ITGA2: variants seen among roughly 807,000 people sequenced by gnomAD.
ITGA2 encodes integrin subunit alpha 2.
Under a neutral mutation model 146.3 loss-of-function variants are expected in ITGA2, and 101 were observed. That is an observed-to-expected ratio of 0.69 (90% CI 0.59 to 0.81). The LOEUF is 0.81. Ranked by LOEUF, ITGA2 falls within the 40% of genes least tolerant of loss-of-function variation. The pLI is 0.00. For synonymous variants in ITGA2, 477 were observed against 487.1 expected (o/e 0.98, Z 0.27); for missense variants, 1,281 against 1,402.7 (o/e 0.91, Z 1.39).
rs761782330 is a variant in ITGA2 at position 53,080,492 on chromosome 5, C to T, written c.2929-19C>T. The T allele has an allele frequency of 5.0e-6, 8 of 1,590,846 alleles. No individual in the cohort carries two copies. In the African/African-American group the frequency reaches 8.1e-5, roughly 16 times the overall value. On this transcript the variant is annotated intron_variant, in intron 24 of 29. Coordinates refer to ENST00000296585, the MANE Select transcript of ITGA2 (RefSeq NM_002203.4). ...TGTACATCCTGTTGCAGTACTGGCACATTTTATTCTCTACATAGGTAACAA... is the reference window on the plus strand; with the variant it reads ...TGTACATCCTGTTGCAGTACTGGCATATTTTATTCTCTACATAGGTAACAA...
rs756126799 is a variant in ITGA2, at chr5:53,065,893, G to C, written c.1859G>C (p.Arg620Thr). 2 of 1,612,002 alleles carry C rather than the reference G, an allele frequency of 1.2e-6. No homozygotes were observed. Among genetic ancestry groups the C allele is most frequent in the African/African-American group, 2.7e-5 (2 of 74,734 alleles). Residue 620 changes from arginine (R) to threonine (T), a missense_variant, in exon 15 of 30, where the codon AGG becomes ACG. By Grantham distance (71) the Arg-to-Thr change is moderately conservative. Transcript: ENST00000296585. ...AFRSHLQYFGRSLDGYGDLNG... is the reference protein window; with the variant it reads ...AFRSHLQYFGTSLDGYGDLNG... Reference sequence around the variant, plus strand: ...AGGAGCCATCTCCAGTACTTTGGGAGGTCCTTGGATGGCTATGGAGATTTA... The same window carrying C: ...AGGAGCCATCTCCAGTACTTTGGGACGTCCTTGGATGGCTATGGAGATTTA...
At chr5:53,015,509 G>A (rs1742360869) in intron 1 of ITGA2, among the ~76,000 whole-genome samples, 1 of 151,902 alleles carries the variant, frequency 6.6e-6, no homozygotes, top group African/African-American at 2.4e-5. Flanking sequence ...TTTTATGGCT[G>A]ATTGTGTGGT....
Position 53,078,782 on chromosome 5 carries a change from A to G in ITGA2, c.2836A>G (p.Ile946Val), listed in dbSNP as rs1463070157. The G allele has an allele frequency of 7.5e-6, 12 of 1,602,366 alleles. No individual in the cohort carries two copies. The highest frequency in any genetic ancestry group is 1.0e-5 in the Non-Finnish European group (12 of 1,170,076). ...AACATCATCCAACAGATCTACCAACATAAATTTTTATGAAATCTCTTCGGA... is the reference window on the plus strand; with the variant it reads ...AACATCATCCAACAGATCTACCAACGTAAATTTTTATGAAATCTCTTCGGA... ...AEIHLTRSTNINFYEISSDGN... is the reference protein window; with the variant it reads ...AEIHLTRSTNVNFYEISSDGN... Residue 946 changes from isoleucine to valine, a missense_variant, in exon 24 of 30, where the codon ATA becomes GTA. Coordinates refer to ENST00000296585, the MANE Select transcript of ITGA2 (RefSeq NM_002203.4).
intron 1 of ITGA2, among the ~76,000 whole-genome samples, chr5:53,000,897 G>GTTTTTTTTTTTTTTT (rs369482288): frequency 3.6e-4 from 35 of 97,216 alleles, no homozygotes; most frequent in Non-Finnish European, 5.7e-4. Flanking sequence ...TTTTCTTTTT[G>GTTTTTTTTTTTTTTT]TTTTTTTTTT....
intron 4 of ITGA2, among the ~76,000 whole-genome samples, chr5:53,047,951 A>C (rs1050144514): frequency 6.6e-6 from 1 of 152,220 alleles, no homozygotes; most frequent in African/African-American, 2.4e-5. Context: ...ACAATCTTAA[A>C]AGATAGAATG....
At chr5:53,020,840 T>C (rs1164397165) in intron 1 of ITGA2, among the ~76,000 whole-genome samples, 1 of 150,218 alleles carries the variant, frequency 6.7e-6, no homozygotes, top group Admixed American at 6.6e-5. Flanking sequence ...TGCCACCATG[T>C]CCGGCTAATT....
Position 53,051,439 on chromosome 5 carries a change from C to T in ITGA2, c.659C>T (p.Pro220Leu), listed in dbSNP as rs1744357640. 6.2e-7 allele frequency: 1 copy of T among 1,613,262 alleles called. No homozygotes were observed. The highest frequency in any genetic ancestry group is 8.5e-7 in the Non-Finnish European group (1 of 1,179,552). Residue 220 changes from proline to leucine, a missense_variant, in exon 7 of 30, where the codon CCA (proline) becomes CTA (leucine). Around this residue, in one of 3 missense-constraint regions of ITGA2, gnomAD observed 795 missense variants for 841.7 expected, o/e 0.94. Transcript: ENST00000296585. ...QVGLIQYANN[P>L]RVVFNLNTYK... Reference sequence around the variant, plus strand: ...GGGTTAATTCAGTATGCCAATAATCCAAGAGTTGTGTTTAACTTGAACACA... The same window carrying T: ...GGGTTAATTCAGTATGCCAATAATCTAAGAGTTGTGTTTAACTTGAACACA...
At chr5:53,010,863 G>A (rs183855097) in intron 1 of ITGA2, among the ~76,000 whole-genome samples, 10 of 152,060 alleles carry the variant, frequency 6.6e-5, no homozygotes, top group Non-Finnish European at 1.0e-4. Flanking sequence ...AAACATCCTG[G>A]ATTATCTGGG....
intron 1 of ITGA2, among the ~76,000 whole-genome samples, chr5:52,991,633 CAT>C (rs544046321): frequency 1.6e-3 from 241 of 152,216 alleles, no homozygotes; most frequent in African/African-American, 3.3e-3. Context: ...GTATAAAACA[CAT>C]GTGTGTTTAG....
intron 1 of ITGA2, among the ~76,000 whole-genome samples, chr5:52,997,517 C>T (rs1478018826): frequency 6.6e-6 from 1 of 152,180 alleles, no homozygotes; most frequent in Admixed American, 6.5e-5. Flanking sequence ...CAAGAGATTA[C>T]TTCATTGTGT....
intron 1 of ITGA2, among the ~76,000 whole-genome samples, chr5:53,016,558 G>T (rs1295017944): frequency 6.6e-6 from 1 of 152,142 alleles, no homozygotes; most frequent in Non-Finnish European, 1.5e-5. Context: ...CGATGACTAT[G>T]TGTTTTGGGG....
chr5:52,995,038 G>T, intron 1 of ITGA2, among the ~76,000 whole-genome samples: 1 of 152,190 alleles, frequency 6.6e-6, no homozygotes, highest in East Asian at 1.9e-4. Context: ...AACATAACTA[G>T]CAATAGGACT....
At chr5:53,048,610 G>A in intron 5 of ITGA2, 33 bp from the exon 6 acceptor site, 1 of 1,613,982 alleles carries the variant, frequency 6.2e-7, no homozygotes, top group Non-Finnish European at 8.5e-7. Flanking sequence ...ACTTACCTGT[G>A]GAAATCTGCT....
chr5:53,071,234 T>C (rs1373760930), intron 17 of ITGA2, among the ~76,000 whole-genome samples: 2 of 151,900 alleles, frequency 1.3e-5, no homozygotes, highest in East Asian at 3.9e-4. Flanking sequence ...TTTGTTAAAG[T>C]GACAATTTTA....
chr5:53,032,702 T>C (rs1054958737), intron 2 of ITGA2, among the ~76,000 whole-genome samples: 2 of 152,208 alleles, frequency 1.3e-5, no homozygotes, highest in African/African-American at 4.8e-5. Context: ...AATGAAAAAT[T>C]CTGTTAGAGA....
At chr5:53,043,501 C>T (rs983998762) in intron 3 of ITGA2, among the ~76,000 whole-genome samples, 2 of 152,036 alleles carry the variant, frequency 1.3e-5, no homozygotes, top group Admixed American at 6.6e-5. Flanking sequence ...AACTTACTCA[C>T]CTAGAGGATA....
intron 1 of ITGA2, among the ~76,000 whole-genome samples, chr5:53,005,988 C>G (rs1325006993): frequency 6.6e-6 from 1 of 152,090 alleles, no homozygotes; most frequent in Non-Finnish European, 1.5e-5. Context: ...AGCATGTTCT[C>G]ACTCGTAAGT....
intron 1 of ITGA2, among the ~76,000 whole-genome samples, chr5:52,995,453 T>G (rs902802787): frequency 6.6e-6 from 1 of 151,552 alleles, no homozygotes; most frequent in African/African-American, 2.4e-5. Flanking sequence ...GGAAAGGCAT[T>G]AAAGAAGAAG....
At position 53,045,019 on chromosome 5, in the gene ITGA2, A is replaced by G. The variant is rs771091240; in HGVS notation, c.314A>G (p.Asn105Ser). 2 of 1,613,694 alleles carry G rather than the reference A, an allele frequency of 1.2e-6. No homozygotes were observed. Among genetic ancestry groups the G allele is most frequent in the East Asian group, 4.5e-5 (2 of 44,832 alleles). Reference protein sequence around the residue: ...LNLQTSTSIPNVTEMKTNMSL... With the variant: ...LNLQTSTSIPSVTEMKTNMSL... ...TTGAAAGCTTCAACAAGCATTCCAA[A>G]TGTTACTGAGATGAAAACCAACATG... The change falls in exon 4 of 30, where the codon AAT becomes AGT. Residue 105 changes from asparagine (N) to serine (S), a missense_variant. Asn to Ser is a conservative substitution (Grantham distance 46, BLOSUM62 1). This residue lies in a region of ITGA2 where 795 missense variants were observed against 841.7 expected (regional missense o/e 0.94). Transcript: ENST00000296585.
Sources: gnomAD v4.1 joint callset for allele counts (sites outside exome capture counted in the v4.1 genomes callset) on GRCh38, gnomAD v4.1.1 for gene constraint, gnomAD v4.1.1 regional missense constraint, MANE v1.5 for transcripts, NCBI Gene and HGNC (gene_info 2026-07-23, HGNC 2026-07-21) for gene names.